Variants in SEMA3A observed in about 807,000 individuals in gnomAD.
SEMA3A encodes the protein semaphorin-3A.
In SEMA3A, 29 loss-of-function variants were observed where a neutral mutation model predicts 97.9. The observed-to-expected ratio is 0.30, with a 90% CI of 0.22 to 0.40. The LOEUF (loss-of-function observed/expected upper bound fraction) is 0.40. SEMA3A is among the 10% of genes least tolerant of loss of function. The pLI is 1.00. For missense variants in SEMA3A, 763 were observed against 951.3 expected, an observed-to-expected ratio of 0.80 and a Z score of 2.60; for synonymous variants, 321 against 323.7, an observed-to-expected ratio of 0.99 and a Z score of 0.09.
At chr7:84,206,060 C>A (rs1017961587) in intron 3 of SEMA3A, among the ~76,000 whole-genome samples, 2 of 152,100 alleles carry the variant, frequency 1.3e-5, no homozygotes, top group African/African-American at 4.8e-5. Context: ...CAGGATGTGG[C>A]ACTTCAGCTA....
intron 15 of SEMA3A, among the ~76,000 whole-genome samples, chr7:83,976,114 A>G (rs1022462998): frequency 3.9e-5 from 6 of 152,164 alleles, no homozygotes; most frequent in Non-Finnish European, 8.8e-5. Context: ...TCCCGTGAGC[A>G]TTCGTAAATC....
chr7:84,206,885 A>C (rs1262360703), intron 3 of SEMA3A, among the ~76,000 whole-genome samples: 1 of 152,162 alleles, frequency 6.6e-6, no homozygotes, highest in Non-Finnish European at 1.5e-5. Flanking sequence ...GTATCATAGC[A>C]ATTACATATT....
chr7:84,323,462 T>C (rs1801701256), intron 2 of SEMA3A, among the ~76,000 whole-genome samples: 1 of 152,104 alleles, frequency 6.6e-6, no homozygotes, highest in Admixed American at 6.6e-5. Context: ...AATTCCTTTC[T>C]TATAAAGAAA....
chr7:84,048,773 T>C (rs1451478818), intron 5 of SEMA3A, among the ~76,000 whole-genome samples: 1 of 152,048 alleles, frequency 6.6e-6, no homozygotes, highest in African/African-American at 2.4e-5. Flanking sequence ...AATATTAGAG[T>C]AAATAATGTA....
chr7:84,293,607 G>A (rs1189028187), intron 3 of SEMA3A, among the ~76,000 whole-genome samples: 1 of 151,936 alleles, frequency 6.6e-6, no homozygotes, highest in Non-Finnish European at 1.5e-5. Flanking sequence ...AGTGGATGGG[G>A]AGAAGTCACA....
chr7:84,475,711 G>C (rs953980859), intron 1 of SEMA3A, among the ~76,000 whole-genome samples: 3 of 152,160 alleles, frequency 2.0e-5, no homozygotes, highest in African/African-American at 7.2e-5. Context: ...ACTTACAGAT[G>C]ATGAGTACAG....
intron 3 of SEMA3A, among the ~76,000 whole-genome samples, chr7:84,122,966 T>C (rs536273294): frequency 6.6e-6 from 1 of 152,170 alleles, no homozygotes; most frequent in Non-Finnish European, 1.5e-5. Context: ...AGAATCAGAA[T>C]GTTATGAGAG....
chr7:84,368,075 G>T (rs890084482), intron 2 of SEMA3A, among the ~76,000 whole-genome samples: 1 of 151,026 alleles, frequency 6.6e-6, no homozygotes, highest in African/African-American at 2.4e-5. Flanking sequence ...AATGTTATAG[G>T]TGCTATAGAA....
At chr7:84,441,732 A>G (rs779644715) in intron 1 of SEMA3A, among the ~76,000 whole-genome samples, 1 of 152,188 alleles carries the variant, frequency 6.6e-6, no homozygotes, top group Non-Finnish European at 1.5e-5. Context: ...ATGGAGATAT[A>G]TTATAGTTAA....
At chr7:84,236,816 G>A (rs969387998) in intron 3 of SEMA3A, among the ~76,000 whole-genome samples, 1 of 151,970 alleles carries the variant, frequency 6.6e-6, no homozygotes, top group Non-Finnish European at 1.5e-5. Flanking sequence ...GTCATTTATG[G>A]AGTGTACATC....
intron 3 of SEMA3A, among the ~76,000 whole-genome samples, chr7:84,128,764 A>G (rs1436064498): frequency 1.3e-5 from 2 of 152,126 alleles, no homozygotes; most frequent in African/African-American, 4.8e-5. Context: ...GAAATCTGCA[A>G]TCCTCCAAAA....
upstream of SEMA3A, among the ~76,000 whole-genome samples, chr7:84,197,893 C>A (rs1798272493): frequency 6.6e-6 from 1 of 151,940 alleles, no homozygotes; most frequent in Admixed American, 6.6e-5. Context: ...GCACACGCCG[C>A]CACGCCCAGC....
intron 3 of SEMA3A, among the ~76,000 whole-genome samples, chr7:84,286,384 T>C (rs1313448064): frequency 6.6e-6 from 1 of 152,192 alleles, no homozygotes; most frequent in African/African-American, 2.4e-5. Context: ...TTGTGAAATA[T>C]GACGCCATCC....
chr7:84,145,652 G>A (rs1796442379), intron 1 of SEMA3A, among the ~76,000 whole-genome samples: 1 of 152,022 alleles, frequency 6.6e-6, no homozygotes, highest in African/African-American at 2.4e-5. Flanking sequence ...CACTGTTATG[G>A]TTGTTTTACA....
intron 3 of SEMA3A, among the ~76,000 whole-genome samples, chr7:84,243,380 T>C (rs752271934): frequency 2.0e-5 from 3 of 152,132 alleles, no homozygotes; most frequent in Non-Finnish European, 4.4e-5. Context: ...CTTGGGTGGG[T>C]GTATTTGTCC....
chr7:84,441,081 C>G (rs1451918954), intron 1 of SEMA3A, among the ~76,000 whole-genome samples: 1 of 151,898 alleles, frequency 6.6e-6, no homozygotes, highest in South Asian at 2.1e-4. Flanking sequence ...TCACTTGAAC[C>G]CGGGAGGTGG....
chr7:83,977,123 G>GTGACT lies in SEMA3A; in HGVS notation c.1717+4_1717+8dup. The GTGACT allele has an allele frequency of 6.6e-7, 1 of 1,520,546 alleles. No homozygotes were observed. The allele number at this position is 1,520,546 out of a possible 1,614,324, so 94.2% of individuals were successfully genotyped here. ...CTTAGCAGGTTGAAAGATGAAAAAT[G>GTGACT]TGACTTACCATGGTGTAAGTCTGAA... On this transcript the variant is annotated intron_variant, in intron 15 of 16. Transcript: ENST00000265362.
At chr7:84,178,071 T>C (rs1030801407) in intron 1 of SEMA3A, among the ~76,000 whole-genome samples, 5 of 152,150 alleles carry the variant, frequency 3.3e-5, no homozygotes, top group African/African-American at 1.2e-4. Context: ...TTCAACTGAA[T>C]GGTTAATACA....
At position 83,958,478 on chromosome 7, in the gene SEMA3A, A is replaced by G. The variant is rs1277941602; in HGVS notation, c.*2893T>C. On this transcript the variant is annotated 3_prime_UTR_variant, in exon 17 of 17. Coordinates refer to ENST00000265362, the MANE Select transcript of SEMA3A (RefSeq NM_006080.3). Reference sequence around the variant, plus strand: ...GCAATGATAAGTAAAGATATGGAACATATTTCCTACCTGGCAAAAAACATG... The same window carrying G: ...GCAATGATAAGTAAAGATATGGAACGTATTTCCTACCTGGCAAAAAACATG... 6.6e-6 allele frequency: 1 copy of G among 152,508 alleles called. No individual in the cohort carries two copies. The highest frequency in any genetic ancestry group is 1.5e-5 in the Non-Finnish European group (1 of 67,958). 9.4% of individuals were successfully genotyped at this position (152,508 alleles called of 1,614,324 possible).
Sources: gnomAD v4.1 joint callset for allele counts (sites outside exome capture counted in the v4.1 genomes callset) on GRCh38, gnomAD v4.1.1 for gene constraint, MANE v1.5 for transcripts, NCBI Gene and HGNC (gene_info 2026-07-23, HGNC 2026-07-21) for gene names.